The following TRMT9B variants were observed in gnomAD, a reference collection of about 807,000 sequenced individuals.
TRMT9B encodes the protein probable tRNA methyltransferase 9B.
Under a neutral mutation model 11.5 loss-of-function variants are expected in TRMT9B, and 16 were observed. The ratio of observed to expected loss-of-function variants is 1.39; its 90% CI spans 0.94 to 2.11. TRMT9B has a LOEUF of 2.11. Ranked by LOEUF, TRMT9B falls within the 30% of genes most tolerant of loss-of-function variation. TRMT9B has a pLI of 0.00. For synonymous variants in TRMT9B, 274 were observed against 192.4 expected, an observed-to-expected ratio of 1.42 and a Z score of -3.51; for missense variants, 941 against 553.8, an observed-to-expected ratio of 1.70 and a Z score of -7.02.
At chr8:12,981,760 C>G (rs900397931) in intron 1 of TRMT9B, among the ~76,000 whole-genome samples, 2 of 151,874 alleles carry the variant, frequency 1.3e-5, no homozygotes, top group Non-Finnish European at 1.5e-5. Context: ...CCACCACACC[C>G]GGCTATTTTT....
At chr8:12,982,943 C>T (rs1382196645) in intron 1 of TRMT9B, among the ~76,000 whole-genome samples, 1 of 152,172 alleles carries the variant, frequency 6.6e-6, no homozygotes, top group Non-Finnish European at 1.5e-5. Context: ...CAGATTTCCC[C>T]ATGCGAGCAC....
intron 2 of TRMT9B, 48 bp downstream of exon 2, chr8:12,991,079 T>G (rs529570244): frequency 1.0e-6 from 1 of 974,720 alleles, no homozygotes; most frequent in Admixed American, 3.8e-5. Context: ...TGAGGTGTTT[T>G]TAGCAATGTG....
At chr8:13,002,256 C>G (rs1809579637) in intron 2 of TRMT9B, among the ~76,000 whole-genome samples, 1 of 152,080 alleles carries the variant, frequency 6.6e-6, no homozygotes. Context: ...CAGTTTATGT[C>G]GGTTACCACT....
intron 1 of TRMT9B, among the ~76,000 whole-genome samples, chr8:12,979,771 T>C (rs955894192): frequency 6.6e-6 from 1 of 152,212 alleles, no homozygotes; most frequent in Non-Finnish European, 1.5e-5. Flanking sequence ...GACCAACACA[T>C]TTTTTAAAAT....
At chr8:12,963,634 G>C (rs1195819001) in intron 1 of TRMT9B, among the ~76,000 whole-genome samples, 1 of 151,822 alleles carries the variant, frequency 6.6e-6, no homozygotes, top group Non-Finnish European at 1.5e-5. Context: ...TGTAGTTCTA[G>C]CTACTCGGGA....
chr8:13,012,175 C>T (rs893904751), intron 3 of TRMT9B: 10 of 985,176 alleles, frequency 1.0e-5, no homozygotes, highest in Non-Finnish European at 1.2e-5. Flanking sequence ...TTTCCTATTG[C>T]CTTTCTCTCT....
intron 1 of TRMT9B, among the ~76,000 whole-genome samples, chr8:12,985,846 A>G (rs2128875735): frequency 6.6e-6 from 1 of 152,014 alleles, no homozygotes; most frequent in South Asian, 2.1e-4. Flanking sequence ...GCTATGTACT[A>G]GATTAATGAT....
chr8:12,972,529 G>A (rs997464001), intron 1 of TRMT9B, among the ~76,000 whole-genome samples: 4 of 152,208 alleles, frequency 2.6e-5, no homozygotes, highest in Non-Finnish European at 1.5e-5. Flanking sequence ...GGCAGGAACA[G>A]GAAGCAAACA....
rs531474119 is a variant in TRMT9B at position 12,996,784 on chromosome 8, C to T, written c.-2+5753C>T. Among the ~76,000 whole-genome samples, 4 of 152,142 alleles carry T rather than the reference C, an allele frequency of 2.6e-5. No homozygotes were observed. In the South Asian group the frequency reaches 8.3e-4, roughly 32 times the overall value. ...ATGAATTTTTCATAACCTGAGCGCC[C>T]TCATGTAACCCGAGCCCAGATCAAG... On this transcript the variant is annotated intron_variant, in intron 2 of 4. Transcript: ENST00000524591.
chr8:13,016,721 G>C (rs9785075), intron 4 of TRMT9B, among the ~76,000 whole-genome samples: 47,346 of 151,050 alleles, frequency 0.31, 8,033 homozygotes, highest in East Asian at 0.6. Context: ...TGCCCTTCAG[G>C]CTAGTGCTTC....
chr8:13,012,904 G>A (rs779854442), intron 4 of TRMT9B, 47 bp downstream of exon 4: 3 of 1,599,802 alleles, frequency 1.9e-6, no homozygotes, highest in African/African-American at 1.3e-5. Flanking sequence ...GAGAATAATT[G>A]ACCCGGTTTA....
intron 1 of TRMT9B, among the ~76,000 whole-genome samples, chr8:12,956,816 T>C (rs1801375678): frequency 6.6e-6 from 1 of 152,188 alleles, no homozygotes. Context: ...TAATTACTTA[T>C]TTCATACCCT....
intron 2 of TRMT9B, among the ~76,000 whole-genome samples, chr8:12,991,749 A>T (rs139500054): frequency 6.6e-6 from 1 of 152,052 alleles, no homozygotes; most frequent in African/African-American, 2.4e-5. Context: ...CCTGGCCAAC[A>T]TGGTGACCCC....
intron 1 of TRMT9B, among the ~76,000 whole-genome samples, chr8:12,985,047 G>A (rs1806044243): frequency 6.6e-6 from 1 of 151,472 alleles, no homozygotes; most frequent in Admixed American, 6.6e-5. Flanking sequence ...ATTTCGTTTT[G>A]GGGGCTAATA....
intron 4 of TRMT9B, among the ~76,000 whole-genome samples, chr8:13,018,457 T>A (rs890965939): frequency 6.6e-6 from 1 of 151,482 alleles, no homozygotes; most frequent in Non-Finnish European, 1.5e-5. Context: ...AAATTCTGAA[T>A]GTTGATGTAT....
At chr8:12,964,657 C>G (rs1331632685) in intron 1 of TRMT9B, among the ~76,000 whole-genome samples, 1 of 152,164 alleles carries the variant, frequency 6.6e-6, no homozygotes, top group African/African-American at 2.4e-5. Context: ...TCATTGTAGC[C>G]TCAAACTCCC....
At chr8:13,000,182 A>G (rs1236506573) in intron 2 of TRMT9B, among the ~76,000 whole-genome samples, 1 of 152,212 alleles carries the variant, frequency 6.6e-6, no homozygotes, top group Non-Finnish European at 1.5e-5. Context: ...TTGGAAAGCA[A>G]CACAGTGGGG....
At chr8:12,977,249 G>A (rs146042711) in intron 1 of TRMT9B, among the ~76,000 whole-genome samples, 2 of 152,212 alleles carry the variant, frequency 1.3e-5, no homozygotes, top group East Asian at 3.9e-4. Context: ...AATGCTGGTC[G>A]ATGGAGCACT....
chr8:12,972,166 C>G (rs1803736202), intron 1 of TRMT9B, among the ~76,000 whole-genome samples: 2 of 152,102 alleles, frequency 1.3e-5, no homozygotes, highest in African/African-American at 2.4e-5. Flanking sequence ...ACAAATGAGG[C>G]AGGATGGCAA....
Sources: allele counts gnomAD v4.1 joint callset (sites outside exome capture counted in the v4.1 genomes callset), GRCh38; gene constraint gnomAD v4.1.1; transcripts MANE v1.5; gene names NCBI Gene and HGNC (gene_info 2026-07-23, HGNC 2026-07-21).